Variants in GATM observed in about 807,000 individuals in gnomAD.
GATM encodes glycine amidinotransferase, also known as glycine amidinotransferase, mitochondrial.
A neutral mutation model predicts 54.2 loss-of-function variants in GATM; 23 were observed. That is an observed-to-expected ratio of 0.42 (90% CI 0.31 to 0.60). The LOEUF is 0.60. GATM is among the 20% of genes least tolerant of loss of function. The probability of loss-of-function intolerance (pLI) is 0.14; values close to 1 mark genes in which losing one functional copy is unlikely to be tolerated. For synonymous variants in GATM, 168 were observed against 183.1 expected, an observed-to-expected ratio of 0.92 and a Z score of 0.67; for missense variants, 401 against 544.9, an observed-to-expected ratio of 0.74 and a Z score of 2.63.
At chr15:45,384,725 T>C (rs1469380504) in intron 3 of GATM, among the ~76,000 whole-genome samples, 1 of 152,120 alleles carries the variant, frequency 6.6e-6, no homozygotes, top group Non-Finnish European at 1.5e-5. Context: ...CCTTTGTTTT[T>C]TGAGACAGAG....
intron 2 of GATM, among the ~76,000 whole-genome samples, chr15:45,376,299 T>C (rs952395154): frequency 6.6e-6 from 1 of 152,124 alleles, no homozygotes; most frequent in Non-Finnish European, 1.5e-5. Flanking sequence ...GGGCTGAAAG[T>C]AATATTCTGT....
At chr15:45,389,223 T>C (rs1029771268) in intron 3 of GATM, among the ~76,000 whole-genome samples, 2 of 152,252 alleles carry the variant, frequency 1.3e-5, no homozygotes, top group African/African-American at 4.8e-5. Context: ...CTAAGATGAA[T>C]TAAATACTTT....
At chr15:45,400,275 T>A (rs1010515129) in intron 1 of GATM, among the ~76,000 whole-genome samples, 2 of 152,172 alleles carry the variant, frequency 1.3e-5, no homozygotes, top group African/African-American at 4.8e-5. Flanking sequence ...GGAGATTATG[T>A]CATTGAATGG....
intron 2 of GATM, among the ~76,000 whole-genome samples, chr15:45,370,619 T>C (rs559452865): frequency 1.3e-5 from 2 of 152,160 alleles, no homozygotes; most frequent in African/African-American, 4.8e-5. Flanking sequence ...AAATTTTTAA[T>C]AACTGAAAAA....
chr15:45,364,963 T>C (rs1889426236), intron 6 of GATM, 103 bp from the exon 7 acceptor site: 2 of 920,988 alleles, frequency 2.2e-6, no homozygotes, highest in African/African-American at 1.7e-5. Context: ...TTTGAGAAGC[T>C]GTCTTCTCAG....
chr15:45,367,736 A>G (rs548684413), intron 4 of GATM, among the ~76,000 whole-genome samples: 59 of 152,324 alleles, frequency 3.9e-4, no homozygotes, highest in African/African-American at 1.1e-3. Context: ...ACAGTGGTAC[A>G]CCTGTAGGCA....
At chr15:45,383,094 C>G (rs1037919204), upstream of GATM, among the ~76,000 whole-genome samples, 1 of 152,168 alleles carries the variant, frequency 6.6e-6, no homozygotes, top group Non-Finnish European at 1.5e-5. Context: ...CAGTGCCTGA[C>G]ACAGCCAGAG....
chr15:45,381,446 A>G (rs1424803686), upstream of GATM, among the ~76,000 whole-genome samples: 1 of 152,238 alleles, frequency 6.6e-6, no homozygotes, highest in Admixed American at 6.5e-5. Flanking sequence ...AGTTCCAACC[A>G]ACAAAGCACA....
intron 8 of GATM, 169 bp downstream of exon 8, chr15:45,363,731 T>C (rs1292346409): frequency 1.6e-6 from 1 of 631,624 alleles, no homozygotes; most frequent in Non-Finnish European, 2.8e-6. Context: ...TGGGGCTACG[T>C]GTGTTGAAAA....
At chr15:45,363,143 A>G (rs2140637269) in intron 8 of GATM, among the ~76,000 whole-genome samples, 1 of 152,164 alleles carries the variant, frequency 6.6e-6, no homozygotes, top group Admixed American at 6.5e-5. Context: ...ATGGTGGTGT[A>G]TGCTTGTAAT....
intron 3 of GATM, among the ~76,000 whole-genome samples, chr15:45,387,590 G>A (rs954040544): frequency 2.6e-5 from 4 of 151,968 alleles, no homozygotes; most frequent in Admixed American, 2.0e-4. Context: ...TATCTCTTTC[G>A]CCAGACCTCT....
intron 8 of GATM, among the ~76,000 whole-genome samples, chr15:45,362,643 G>A (rs1179751396): frequency 2.0e-5 from 3 of 152,180 alleles, no homozygotes; most frequent in East Asian, 3.9e-4. Context: ...CACATATAAG[G>A]AGAGTTTATC....
At chr15:45,364,189 G>T in intron 7 of GATM, 173 bp from the exon 8 acceptor site, 1 of 624,040 alleles carries the variant, frequency 1.6e-6, no homozygotes, top group Non-Finnish European at 2.9e-6. Context: ...GAATCAATCT[G>T]TACTCATTAT....
At chr15:45,376,869 T>C (rs1396770143) in intron 1 of GATM, 50 bp from the exon 2 acceptor site, 34 of 1,505,788 alleles carry the variant, frequency 2.3e-5, no homozygotes, top group Non-Finnish European at 2.9e-5. Flanking sequence ...CTATCAGTAC[T>C]TACAGAGAGG....
upstream of GATM, chr15:45,379,621 G>A (rs1364336763): frequency 6.6e-6 from 1 of 152,266 alleles, no homozygotes; most frequent in African/African-American, 2.4e-5. Flanking sequence ...AGAATTTACT[G>A]TCCCTAGCAC....
intron 8 of GATM, among the ~76,000 whole-genome samples, chr15:45,362,715 A>G (rs1323427234): frequency 2.0e-5 from 3 of 152,190 alleles, no homozygotes; most frequent in African/African-American, 7.2e-5. Flanking sequence ...TGGTGTTTTA[A>G]TATCTGGGTT....
Position 45,361,238 on chromosome 15 carries a change from A to G in GATM, c.*871T>C, listed in dbSNP as rs1409712608. On this transcript the variant is annotated 3_prime_UTR_variant, in exon 9 of 9. Transcript: ENST00000396659. ...TCCATTAGTTTTTTTTAATGCTTATAAAGTCTATGCTCTAAATAATTTGCA... is the reference window on the plus strand; with the variant it reads ...TCCATTAGTTTTTTTTAATGCTTATGAAGTCTATGCTCTAAATAATTTGCA... The G allele has an allele frequency of 1.3e-5, 2 of 152,234 alleles. No individual in the cohort carries two copies. The highest frequency in any genetic ancestry group is 4.8e-5 in the African/African-American group (2 of 41,462). 9.4% of individuals were successfully genotyped at this position (152,234 alleles called of 1,614,324 possible). A position where few individuals can be genotyped will look rare whatever the true frequency, so the allele number is the denominator to read the frequency against.
In GATM at chr15:45,368,897, C is replaced by T. The variant is rs1025984836; in HGVS notation, c.484+429G>A. Among the ~76,000 whole-genome samples the T allele has an allele frequency of 5.3e-5, 8 of 152,040 alleles. No homozygotes were observed. Among genetic ancestry groups the T allele is most frequent in the African/African-American group, 1.4e-4 (6 of 41,400 alleles). ...AGAAACACAGCTCTTAAAGGACTAT[C>T]GGTATCACAAGATAAAAATTGAGCC... On this transcript the variant is annotated intron_variant, in intron 3 of 8. Coordinates refer to ENST00000396659, the MANE Select transcript of GATM (RefSeq NM_001482.3). The surrounding 1 kb of genome is among the most constrained non-coding windows in gnomAD (Gnocchi z 5.1).
intron 3 of GATM, among the ~76,000 whole-genome samples, chr15:45,384,198 C>T (rs1889777721): frequency 6.6e-6 from 1 of 152,226 alleles, no homozygotes; most frequent in South Asian, 2.1e-4. Context: ...TTTCAGTGTT[C>T]ACCACTCCTG....
Sources: gnomAD v4.1 joint callset for allele counts (sites outside exome capture counted in the v4.1 genomes callset) on GRCh38, gnomAD v4.1.1 for gene constraint, Gnocchi (gnomAD v3.1) non-coding constraint, MANE v1.5 for transcripts, NCBI Gene and HGNC (gene_info 2026-07-23, HGNC 2026-07-21) for gene names.